The following SNX29 variants were observed in gnomAD, a reference collection of about 807,000 sequenced individuals.
SNX29 encodes the protein sorting nexin 29.
SNX29 carries 78 observed loss-of-function variants against 102.1 expected under a neutral mutation model. The observed-to-expected ratio is 0.76, with a 90% confidence interval of 0.64 to 0.92. The LOEUF is 0.92. SNX29 is among the 40% of genes least tolerant of loss of function. SNX29 has a pLI of 0.00. For synonymous variants in SNX29, 580 were observed against 414.5 expected (o/e 1.40, Z -4.85); for missense variants, 1,280 against 1,061.7 (o/e 1.21, Z -2.86).
At chr16:12,254,793 CCT>C (rs778598565) in intron 14 of SNX29, among the ~76,000 whole-genome samples, 204 of 152,124 alleles carry the variant, frequency 1.3e-3, no homozygotes, top group Non-Finnish European at 2.5e-3. Context: ...CAGTTGGTCC[CCT>C]GAGTCATCTG....
At chr16:12,526,467 A>G (rs963675429) in intron 20 of SNX29, 2 of 475,776 alleles carry the variant, frequency 4.2e-6, no homozygotes, top group Non-Finnish European at 8.3e-6. Context: ...GCTGCCTGTG[A>G]TAAGAGGTGC....
chr16:12,487,691 T>TC (rs2088316490), intron 19 of SNX29, among the ~76,000 whole-genome samples: 1 of 151,736 alleles, frequency 6.6e-6, no homozygotes, highest in African/African-American at 2.4e-5. Context: ...ATGGTGGGAC[T>TC]CCCCCCACCT....
At chr16:12,091,703 G>T (rs947709507) in intron 11 of SNX29, among the ~76,000 whole-genome samples, 1 of 145,922 alleles carries the variant, frequency 6.9e-6, no homozygotes, top group Non-Finnish European at 1.5e-5. Context: ...GGTGAGCCCA[G>T]GAGTTTGAGG....
rs149752758 is a variant in SNX29 at position 11,987,554 on chromosome 16, G to C, written c.7+10741G>C. Among the ~76,000 whole-genome samples the C allele has an allele frequency of 7.0e-3, 1,070 of 151,996 alleles. 12 individuals carry two copies. The highest frequency in any genetic ancestry group is 0.025 in the African/African-American group (1,031 of 41,450). ...TGGGACTACAGGTGCGTGCCACCAC[G>C]CCCAGCTAATTTTTGTATTATTAGT... On this transcript the variant is annotated intron_variant, in intron 1 of 20. Coordinates refer to ENST00000566228, the MANE Select transcript of SNX29 (RefSeq NM_032167.5).
At chr16:12,490,476 C>G (rs969727351) in intron 19 of SNX29, among the ~76,000 whole-genome samples, 3 of 152,200 alleles carry the variant, frequency 2.0e-5, no homozygotes, top group African/African-American at 7.2e-5. Flanking sequence ...GTTTTCTGGT[C>G]TGGCTCAATT....
chr16:12,220,762 T>C (rs1224612657), intron 14 of SNX29, among the ~76,000 whole-genome samples: 2 of 152,226 alleles, frequency 1.3e-5, no homozygotes, highest in African/African-American at 4.8e-5. Flanking sequence ...TTTAAGCTTC[T>C]TATAATAGCT....
intron 19 of SNX29, among the ~76,000 whole-genome samples, chr16:12,520,131 G>A (rs547518016): frequency 2.6e-5 from 4 of 152,238 alleles, no homozygotes; most frequent in South Asian, 2.1e-4. Flanking sequence ...GTCCTGTGCC[G>A]CGATTCAGGC....
At position 12,568,877 on chromosome 16, in the gene SNX29, G is replaced by A. The variant is rs975187096; in HGVS notation, c.*248G>A. 7.7e-5 allele frequency: 45 copies of A among 583,742 alleles called. 1 individual carries two copies. The highest frequency in any genetic ancestry group is 1.2e-4 in the Non-Finnish European group (41 of 343,460). The allele number at this position is 583,742 out of a possible 1,614,324, so 36.2% of individuals were successfully genotyped here. A position where few individuals can be genotyped will look rare whatever the true frequency, so the allele number is the denominator to read the frequency against. On this transcript the variant is annotated 3_prime_UTR_variant, in exon 21 of 21. Coordinates refer to ENST00000566228, the MANE Select transcript of SNX29 (RefSeq NM_032167.5). ...TGGGACACACAGTCCTTCTGCTTCT[G>A]GGGTCTACCCTGGGCTGCAAGGGCT...
chr16:12,550,026 G>A (rs991911047), intron 20 of SNX29, among the ~76,000 whole-genome samples: 3 of 152,228 alleles, frequency 2.0e-5, no homozygotes, highest in African/African-American at 7.2e-5. Context: ...AGTTGTAACT[G>A]AGATGGAATG....
chr16:12,470,032 A>T (rs577222854), intron 18 of SNX29, among the ~76,000 whole-genome samples: 1 of 152,284 alleles, frequency 6.6e-6, no homozygotes, highest in South Asian at 2.1e-4. Context: ...AAAATAAATA[A>T]ATAAATAAAT....
At chr16:12,467,904 T>C (rs2087134943) in intron 18 of SNX29, among the ~76,000 whole-genome samples, 1 of 152,154 alleles carries the variant, frequency 6.6e-6, no homozygotes, top group Non-Finnish European at 1.5e-5. Flanking sequence ...GCATCGAGGC[T>C]GTCCAGGGAC....
At chr16:12,535,633 G>C (rs2077054636) in intron 20 of SNX29, among the ~76,000 whole-genome samples, 1 of 152,128 alleles carries the variant, frequency 6.6e-6, no homozygotes. Context: ...CCAACATGAA[G>C]CACTTACAGA....
intron 14 of SNX29, among the ~76,000 whole-genome samples, chr16:12,260,859 GC>G (rs2078723745): frequency 6.7e-6 from 1 of 148,926 alleles, no homozygotes; most frequent in African/African-American, 2.5e-5. Flanking sequence ...GTGAATGTTT[GC>G]TCTGAGCTTG....
chr16:12,124,435 C>A (rs1015211188), intron 11 of SNX29, among the ~76,000 whole-genome samples: 1 of 151,876 alleles, frequency 6.6e-6, no homozygotes, highest in Admixed American at 6.6e-5. Context: ...AAACAATGGA[C>A]CAGTTTTTTC....
At chr16:12,412,780 C>T (rs570873030) in intron 18 of SNX29, among the ~76,000 whole-genome samples, 23 of 152,332 alleles carry the variant, frequency 1.5e-4, no homozygotes, top group Middle Eastern at 3.4e-3. Flanking sequence ...TGGACACACC[C>T]TCTTGGCAGG....
intron 19 of SNX29, among the ~76,000 whole-genome samples, chr16:12,502,779 G>A (rs935264224): frequency 6.6e-6 from 1 of 152,120 alleles, no homozygotes; most frequent in African/African-American, 2.4e-5. Flanking sequence ...CTCCTCCTTT[G>A]TCCCCAGTGG....
chr16:12,006,206 AAAT>A (rs58638368), intron 3 of SNX29, among the ~76,000 whole-genome samples: 10 of 146,694 alleles, frequency 6.8e-5, no homozygotes, highest in African/African-American at 7.5e-5. Context: ...CCTGTCTCTA[AAAT>A]AATAATAATA....
intron 12 of SNX29, among the ~76,000 whole-genome samples, 152 bp downstream of exon 12, chr16:12,126,848 C>G (rs997749881): frequency 2.0e-5 from 3 of 152,194 alleles, no homozygotes; most frequent in African/African-American, 7.2e-5. Context: ...ACTGTGGTAT[C>G]TCTCTTTACT....
intron 11 of SNX29, chr16:12,087,038 A>G (rs2052235393): frequency 6.6e-6 from 1 of 152,056 alleles, no homozygotes; most frequent in Non-Finnish European, 1.5e-5. Flanking sequence ...CCATCATAAC[A>G]CTTAAAACTG....
Sources: gnomAD v4.1 joint callset for allele counts (sites outside exome capture counted in the v4.1 genomes callset) on GRCh38, gnomAD v4.1.1 for gene constraint, MANE v1.5 for transcripts, NCBI Gene and HGNC (gene_info 2026-07-23, HGNC 2026-07-21) for gene names.